The following TAMM41 variants were observed in gnomAD, a reference collection of about 807,000 sequenced individuals.
TAMM41 encodes the protein TAM41 mitochondrial translocator assembly and maintenance homolog.
A neutral mutation model predicts 44.1 loss-of-function variants in TAMM41; 36 were observed. The observed-to-expected ratio is 0.82, with a 90% confidence interval of 0.63 to 1.08. The LOEUF (loss-of-function observed/expected upper bound fraction) is 1.08, where lower values mean the gene tolerates loss of function less well. TAMM41 is among the 50% of genes least tolerant of loss of function. TAMM41 has a pLI of 0.00. For synonymous variants in TAMM41, 164 were observed against 153.1 expected (o/e 1.07, Z -0.53); for missense variants, 417 against 404.3 (o/e 1.03, Z -0.27).
chr3:11,775,286 T>C, the TAMM41 span, among the ~76,000 whole-genome samples: 1 of 152,142 alleles, frequency 6.6e-6, no homozygotes, highest in African/African-American at 2.4e-5. Flanking sequence ...TAACTATCAC[T>C]GAAGGACCAC....
At chr3:11,813,796 T>A (rs1458131903) in intron 5 of TAMM41, among the ~76,000 whole-genome samples, 1 of 151,122 alleles carries the variant, frequency 6.6e-6, no homozygotes, top group Non-Finnish European at 1.5e-5. Context: ...CAAAAAAAAA[T>A]TTAATGTCTC....
the TAMM41 span, among the ~76,000 whole-genome samples, chr3:11,737,539 C>T: frequency 1.5e-4 from 23 of 151,896 alleles, no homozygotes; most frequent in African/African-American, 5.1e-4. Context: ...AGGTTGGTCT[C>T]GAACTCCTGA....
At chr3:11,786,831 C>T (rs559045872), downstream of TAMM41, among the ~76,000 whole-genome samples, 14 of 150,058 alleles carry the variant, frequency 9.3e-5, no homozygotes, top group African/African-American at 2.9e-4. Flanking sequence ...TGGGCTCAAG[C>T]GATTTTCCCA....
the TAMM41 span, among the ~76,000 whole-genome samples, chr3:11,750,556 T>A: frequency 3.9e-5 from 6 of 152,056 alleles, no homozygotes; most frequent in Non-Finnish European, 7.4e-5. Context: ...GCAATTCTCC[T>A]GCCTCAGCCT....
chr3:11,771,930 A>G, the TAMM41 span, among the ~76,000 whole-genome samples: 19 of 152,194 alleles, frequency 1.2e-4, no homozygotes, highest in Admixed American at 9.8e-4. Flanking sequence ...TAAGGGGTAC[A>G]GGTTCATTTT....
Position 11,846,459 on chromosome 3 carries a change from G to A in TAMM41, c.135+43C>T, listed in dbSNP as rs1450538026. 3.7e-6 allele frequency: 6 copies of A among 1,612,408 alleles called. No homozygotes were observed. The East Asian group carries it at 1.3e-4, about 36-fold the overall frequency. ...AGGAATCGAGGGCAAAACGGGACTC[G>A]TGAGAACAGACAGTTCCCCGTCGTG... is the stretch of plus-strand genomic sequence containing the variant. On this transcript the variant is annotated intron_variant, in intron 1 of 7. Coordinates refer to ENST00000455809, the MANE Select transcript of TAMM41 (RefSeq NM_001284401.2).
chr3:11,808,489 G>A (rs1418836141), intron 6 of TAMM41: 1 of 985,998 alleles, frequency 1.0e-6, no homozygotes, highest in Non-Finnish European at 1.2e-6. Context: ...TGGGCGTGGA[G>A]CGCCTGCTGC....
chr3:11,803,972 T>G (rs2077829400), intron 7 of TAMM41, among the ~76,000 whole-genome samples: 3 of 152,130 alleles, frequency 2.0e-5, no homozygotes. Flanking sequence ...AATTACCTAT[T>G]GGGTACAATA....
the TAMM41 span, among the ~76,000 whole-genome samples, chr3:11,760,839 G>T: frequency 9.6e-4 from 146 of 151,920 alleles, no homozygotes; most frequent in Middle Eastern, 3.4e-3. Context: ...GGGATTACAG[G>T]TGTGAACCAC....
intron 4 of TAMM41, among the ~76,000 whole-genome samples, chr3:11,824,971 G>GT (rs1348768503): frequency 6.6e-6 from 1 of 152,170 alleles, no homozygotes; most frequent in African/African-American, 2.4e-5. Flanking sequence ...TGGGGTGGGT[G>GT]TGGGGAGGGG....
In TAMM41 at chr3:11,846,668, A is replaced by G. The variant is rs559562273; in HGVS notation, c.-32T>C. 6.8e-6 allele frequency: 11 copies of G among 1,613,798 alleles called. No individual in the cohort carries two copies. In the African/African-American group the frequency reaches 1.3e-4, roughly 20 times the overall value. ...GAGGCTAACAGGGGACACTCAGCGC[A>G]GCAGGGCGAGGACAACCGGGCGGGG... On this transcript the variant is annotated 5_prime_UTR_variant, in exon 1 of 8. Transcript: ENST00000455809.
At chr3:11,731,600 G>T in the TAMM41 span, among the ~76,000 whole-genome samples, 4 of 152,184 alleles carry the variant, frequency 2.6e-5, no homozygotes, top group South Asian at 8.3e-4. Context: ...ATGGGTTTGG[G>T]TCCCAAATAA....
intron 4 of TAMM41, 128 bp downstream of exon 4, chr3:11,829,586 C>G (rs1198544713): frequency 5.7e-6 from 6 of 1,057,380 alleles, no homozygotes; most frequent in Non-Finnish European, 8.2e-6. Flanking sequence ...AGTGCAGGAA[C>G]CACTCAAGAG....
intron 3 of TAMM41, among the ~76,000 whole-genome samples, chr3:11,835,153 T>C (rs1270336351): frequency 2.0e-5 from 3 of 151,740 alleles, no homozygotes; most frequent in African/African-American, 7.2e-5. Flanking sequence ...TTTCTTAAGA[T>C]ATTTACCCAA....
downstream of TAMM41, among the ~76,000 whole-genome samples, chr3:11,786,286 T>TTAATTTTATTATTATTATTA (rs1553564665): frequency 4.3e-5 from 6 of 138,872 alleles, no homozygotes; most frequent in Admixed American, 7.3e-5. Flanking sequence ...TTTATTTAAT[T>TTAATTTTATTATTATTATTA]TTATTATTAT....
intron 7 of TAMM41, among the ~76,000 whole-genome samples, chr3:11,804,996 CTTTTTTTTTTTT>C (rs1156555980): frequency 2.9e-5 from 3 of 103,064 alleles, no homozygotes; most frequent in African/African-American, 4.1e-5. Context: ...ACGCCCAGCC[CTTTTTTTTTTTT>C]TTTTTTTTTT....
chr3:11,725,425 TTCCTCCTCCTCCTCCTCCTCCTCCTC>T, the TAMM41 span, among the ~76,000 whole-genome samples: 3 of 68,058 alleles, frequency 4.4e-5, no homozygotes, highest in African/African-American at 1.5e-4. Context: ...TTCTTCTTCT[TTCCTCCTCCTCCTCCTCCTCCTCCTC>T]CTCCTTCTTC....
At chr3:11,760,081 C>G in the TAMM41 span, among the ~76,000 whole-genome samples, 1 of 152,240 alleles carries the variant, frequency 6.6e-6, no homozygotes, top group African/African-American at 2.4e-5. Flanking sequence ...CATCTATTGT[C>G]ATCATTCTGG....
chr3:11,741,063 A>T, the TAMM41 span, among the ~76,000 whole-genome samples: 3 of 146,658 alleles, frequency 2.0e-5, no homozygotes, highest in African/African-American at 8.0e-5. Context: ...TACTAAAAAT[A>T]CAAAAATTAG....
Sources: allele counts gnomAD v4.1 joint callset (sites outside exome capture counted in the v4.1 genomes callset), GRCh38; gene constraint gnomAD v4.1.1; transcripts MANE v1.5; gene names NCBI Gene and HGNC (gene_info 2026-07-23, HGNC 2026-07-21).